Variants in STXBP4 observed in about 807,000 individuals in gnomAD.
STXBP4 encodes the protein syntaxin-binding protein 4.
STXBP4 carries 55 observed loss-of-function variants against 76.1 expected under a neutral mutation model. The observed-to-expected ratio is 0.72, with a 90% CI of 0.58 to 0.91. STXBP4 has a LOEUF of 0.91. Ranked by LOEUF, STXBP4 falls within the 40% of genes least tolerant of loss-of-function variation. The pLI is 0.00. For synonymous variants in STXBP4, 201 were observed against 220.2 expected, an observed-to-expected ratio of 0.91 and a Z score of 0.77; for missense variants, 618 against 636.9, an observed-to-expected ratio of 0.97 and a Z score of 0.32.
At chr17:54,986,653 T>G (rs1396954950) in intron 3 of STXBP4, among the ~76,000 whole-genome samples, 1 of 152,120 alleles carries the variant, frequency 6.6e-6, no homozygotes, top group Non-Finnish European at 1.5e-5. Context: ...AAATAGACAA[T>G]TGTCAAATAC....
At chr17:55,201,431 A>G in the STXBP4 span, among the ~76,000 whole-genome samples, 1 of 151,694 alleles carries the variant, frequency 6.6e-6, no homozygotes, top group African/African-American at 2.4e-5. Flanking sequence ...AGGGAAGGAG[A>G]GGAAAGGAGG....
rs545114839 is a variant in STXBP4, at chr17:54,980,644, T to C, written c.-156-4970T>C. Among the ~76,000 whole-genome samples the C allele has an allele frequency of 2.6e-5, 4 of 152,340 alleles. No individual in the cohort carries two copies. In the East Asian group the frequency reaches 7.7e-4, roughly 29 times the overall value. ...GGCCTGCAGCTAATCAGAAGTACTT[T>C]CCATTTTTCATCTGCCATGCAGTGC... is the stretch of plus-strand genomic sequence containing the variant. On this transcript the variant is annotated intron_variant, in intron 1 of 17. Coordinates refer to ENST00000376352, the MANE Select transcript of STXBP4 (RefSeq NM_178509.6).
At chr17:55,210,136 G>T in the STXBP4 span, among the ~76,000 whole-genome samples, 1 of 152,214 alleles carries the variant, frequency 6.6e-6, no homozygotes, top group Non-Finnish European at 1.5e-5. Context: ...TCCCAAGCAG[G>T]ACCCCCTGCA....
chr17:55,046,470 T>G (rs770853896), intron 11 of STXBP4, among the ~76,000 whole-genome samples: 6 of 151,998 alleles, frequency 3.9e-5, no homozygotes, highest in Admixed American at 2.0e-4. Flanking sequence ...GTATTTCTGA[T>G]TTGACCAATA....
rs1459960668 is a variant in STXBP4 at position 55,167,870 on chromosome 17, C to CA, written c.*7960dup. 1 of 151,952 alleles carries CA rather than the reference C, an allele frequency of 6.6e-6. No homozygotes were observed. The highest frequency in any genetic ancestry group is 1.5e-5 in the Non-Finnish European group (1 of 68,000). The allele number at this position is 151,952 out of a possible 1,614,324, so 9.4% of individuals were successfully genotyped here. Reference sequence around the variant, plus strand: ...CATCAGCACACACGAGAAGAGACAACAGGAAGACAAAACAAATTGAGTAGA... The same window carrying CA: ...CATCAGCACACACGAGAAGAGACAACAAGGAAGACAAAACAAATTGAGTAGA... On this transcript the variant is annotated 3_prime_UTR_variant, in exon 18 of 18. Transcript: ENST00000376352.
At chr17:55,049,006 G>A (rs2078825952) in intron 12 of STXBP4, among the ~76,000 whole-genome samples, 1 of 151,854 alleles carries the variant, frequency 6.6e-6, no homozygotes, top group South Asian at 2.1e-4. Context: ...CTGCCTCCAA[G>A]TAAAAAGATT....
intron 16 of STXBP4, among the ~76,000 whole-genome samples, chr17:55,088,577 A>G (rs186161357): frequency 6.6e-6 from 1 of 152,242 alleles, no homozygotes; most frequent in East Asian, 1.9e-4. Flanking sequence ...TTGTATTTTT[A>G]GTAGAGACAG....
At chr17:54,982,236 A>G (rs2077560533) in intron 1 of STXBP4, among the ~76,000 whole-genome samples, 1 of 152,186 alleles carries the variant, frequency 6.6e-6, no homozygotes, top group Non-Finnish European at 1.5e-5. Context: ...ATTGAATACC[A>G]TGTCTGAGAA....
intron 16 of STXBP4, among the ~76,000 whole-genome samples, chr17:55,113,988 A>G (rs758899071): frequency 1.2e-4 from 18 of 152,060 alleles, no homozygotes; most frequent in Non-Finnish European, 2.4e-4. Context: ...TTCCTCACCT[A>G]TGAAATAGAA....
chr17:55,154,657 A>G (rs1438577066), intron 17 of STXBP4, among the ~76,000 whole-genome samples: 1 of 152,096 alleles, frequency 6.6e-6, no homozygotes, highest in East Asian at 1.9e-4. Flanking sequence ...TTTGTACCTG[A>G]CATGTTTTAG....
At chr17:55,157,851 C>T (rs1487641975) in intron 17 of STXBP4, among the ~76,000 whole-genome samples, 8 of 152,120 alleles carry the variant, frequency 5.3e-5, no homozygotes, top group Non-Finnish European at 1.5e-5. Flanking sequence ...AAAGTGAATG[C>T]ATTTTTGTGA....
the STXBP4 span, among the ~76,000 whole-genome samples, chr17:55,210,882 C>A: frequency 6.6e-6 from 1 of 152,138 alleles, no homozygotes; most frequent in African/African-American, 2.4e-5. Flanking sequence ...TATAATATCC[C>A]ACCATAGTCA....
chr17:55,002,259 T>G lies in STXBP4; in HGVS notation c.574+1376T>G, dbSNP rs529603023. Among the ~76,000 whole-genome samples, 43 of 152,254 alleles carry G rather than the reference T, an allele frequency of 2.8e-4. 1 individual carries two copies. The highest frequency in any genetic ancestry group is 6.8e-3 in the Middle Eastern group (2 of 292). ...TGATATTATAAAATATTAATAATTA[T>G]ATAACATGTTTTTAACTTTTAAAGT... On this transcript the variant is annotated intron_variant, in intron 7 of 17. Transcript: ENST00000376352.
chr17:55,139,129 T>C (rs2145145368), intron 16 of STXBP4, among the ~76,000 whole-genome samples: 1 of 152,278 alleles, frequency 6.6e-6, no homozygotes, highest in South Asian at 2.1e-4. Flanking sequence ...TGCCTGTGAA[T>C]TAGTACCTTT....
chr17:55,099,773 A>C (rs1246014090), intron 16 of STXBP4, among the ~76,000 whole-genome samples: 1 of 152,252 alleles, frequency 6.6e-6, no homozygotes, highest in Non-Finnish European at 1.5e-5. Context: ...CAAGCAGCTG[A>C]AGCTCGGTAT....
At chr17:55,109,302 G>T (rs1271266436) in intron 16 of STXBP4, among the ~76,000 whole-genome samples, 1 of 151,974 alleles carries the variant, frequency 6.6e-6, no homozygotes, top group Non-Finnish European at 1.5e-5. Context: ...GACTATTCTG[G>T]TTGTCTATCA....
At chr17:55,136,557 CATG>C (rs1417544225) in intron 16 of STXBP4, among the ~76,000 whole-genome samples, 1 of 152,060 alleles carries the variant, frequency 6.6e-6, no homozygotes, top group African/African-American at 2.4e-5. Context: ...AATTGTATGT[CATG>C]GTGTATTACT....
intron 10 of STXBP4, among the ~76,000 whole-genome samples, chr17:55,036,945 C>T (rs1430663176): frequency 6.6e-6 from 1 of 151,914 alleles, no homozygotes; most frequent in African/African-American, 2.4e-5. Context: ...ATAAGTCTGA[C>T]CACTCATTTA....
intron 16 of STXBP4, among the ~76,000 whole-genome samples, chr17:55,124,413 T>C (rs781380066): frequency 2.6e-5 from 4 of 152,238 alleles, no homozygotes; most frequent in South Asian, 4.1e-4. Flanking sequence ...TTAATAGTTA[T>C]ATATAAACAT....
Sources: gnomAD v4.1 joint callset for allele counts (sites outside exome capture counted in the v4.1 genomes callset) on GRCh38, gnomAD v4.1.1 for gene constraint, MANE v1.5 for transcripts, NCBI Gene and HGNC (gene_info 2026-07-23, HGNC 2026-07-21) for gene names.